Variants in NAV2 observed in about 807,000 individuals in gnomAD.
NAV2 encodes helicase, APC down-regulated 1.
NAV2 carries 54 observed loss-of-function variants against 223.2 expected under a neutral mutation model. The ratio of observed to expected loss-of-function variants is 0.24; its 90% CI spans 0.19 to 0.30. The LOEUF (loss-of-function observed/expected upper bound fraction) is 0.30, where lower values mean the gene tolerates loss of function less well. NAV2 is among the 10% of genes least tolerant of loss of function. The pLI is 1.00. For missense variants in NAV2, 2,806 were observed against 3,147.5 expected (o/e 0.89, Z 2.60); for synonymous variants, 1,279 against 1,239.3 (o/e 1.03, Z -0.67).
chr11:19,793,206 CAAAAAAAAAA>C (rs557365857), intron 1 of NAV2, among the ~76,000 whole-genome samples: 1 of 58,282 alleles, frequency 1.7e-5, no homozygotes, highest in Non-Finnish European at 3.5e-5. Context: ...CACTCTGTCT[CAAAAAAAAAA>C]AAAAAAAAAA....
At chr11:19,348,078 C>T (rs981146481), upstream of NAV2, among the ~76,000 whole-genome samples, 2 of 152,190 alleles carry the variant, frequency 1.3e-5, no homozygotes, top group Non-Finnish European at 2.9e-5. Context: ...TGTTGAACAT[C>T]CTCCCACTTC....
chr11:19,376,497 C>T (rs1424968588), intron 1 of NAV2, among the ~76,000 whole-genome samples: 1 of 152,190 alleles, frequency 6.6e-6, no homozygotes, highest in Non-Finnish European at 1.5e-5. Context: ...TGCTAGTGAG[C>T]AGCAGAGCCT....
chr11:20,109,027 G>C (rs947551058), intron 36 of NAV2, among the ~76,000 whole-genome samples: 1 of 152,204 alleles, frequency 6.6e-6, no homozygotes, highest in African/African-American at 2.4e-5. Context: ...GGAGGGTGCA[G>C]GGACTGGTGT....
At chr11:19,365,352 T>C (rs973270940) in intron 1 of NAV2, among the ~76,000 whole-genome samples, 7 of 152,230 alleles carry the variant, frequency 4.6e-5, no homozygotes, top group Admixed American at 2.0e-4. Context: ...TCCTACCCGA[T>C]ACATCATTTC....
At chr11:19,620,575 G>T (rs2046960629) in intron 1 of NAV2, among the ~76,000 whole-genome samples, 1 of 152,100 alleles carries the variant, frequency 6.6e-6, no homozygotes, top group Non-Finnish European at 1.5e-5. Flanking sequence ...TGTTGTTGGT[G>T]TATAGGAATG....
chr11:19,438,255 A>G (rs774219783), intron 1 of NAV2, among the ~76,000 whole-genome samples: 10 of 152,176 alleles, frequency 6.6e-5, no homozygotes, highest in African/African-American at 9.6e-5. Context: ...CCTCATGGGT[A>G]CTATTGTTAT....
At chr11:19,528,066 G>A (rs935444723) in intron 1 of NAV2, among the ~76,000 whole-genome samples, 1 of 152,072 alleles carries the variant, frequency 6.6e-6, no homozygotes, top group African/African-American at 2.4e-5. Flanking sequence ...ATCAAGCCAC[G>A]TTCCCTGCTG....
chr11:19,508,739 A>G (rs1476773875), intron 1 of NAV2, among the ~76,000 whole-genome samples: 1 of 152,210 alleles, frequency 6.6e-6, no homozygotes, highest in Non-Finnish European at 1.5e-5. Context: ...TATCTCTCTC[A>G]ATAAATGTTT....
chr11:19,835,408 A>G (rs1330101501), intron 2 of NAV2, among the ~76,000 whole-genome samples: 1 of 152,208 alleles, frequency 6.6e-6, no homozygotes, highest in African/African-American at 2.4e-5. Context: ...TGTAGAGAAC[A>G]GGCTAAAAGG....
rs201685015 is a variant in NAV2 at position 20,055,838 on chromosome 11, A to T, written c.4712A>T (p.Asn1571Ile). ...ATGCTGAGGACTCACAGCCTCTCCA[A>T]TGCTGATGGGCAGTATGATCCATAC... The part of the protein sequence containing the change: ...PTMLRTHSLS[N>I]ADGQYDPYTD... The change falls in exon 19 of 38, where the codon AAT (asparagine) becomes ATT (isoleucine). Residue 1571 changes from asparagine (N) to isoleucine (I), a missense_variant. Coordinates refer to ENST00000349880, the MANE Select transcript of NAV2 (RefSeq NM_145117.5). The T allele has an allele frequency of 1.4e-4, 229 of 1,614,036 alleles. 1 individual carries two copies. The highest frequency in any genetic ancestry group is 1.0e-4 in the Admixed American group (6 of 60,010).
chr11:19,385,753 C>CTTTTTTTTTTTTT lies in NAV2; in HGVS notation c.75+34740_75+34752dup, dbSNP rs201669772. ...CTCAACTGCTTTTTCAATATAGCTC[C>CTTTTTTTTTTTTT]TTTTTTTTTTTTTTTTTTTTTTTTT... On this transcript the variant is annotated intron_variant, in intron 1 of 37. Transcript: ENST00000360655. 4.1e-3 allele frequency among the ~76,000 whole-genome samples: 465 copies of CTTTTTTTTTTTTT among 112,594 alleles called. 54 individuals carry two copies. Among genetic ancestry groups the CTTTTTTTTTTTTT allele is most frequent in the African/African-American group, 6.8e-3 (180 of 26,414 alleles). The allele number at this position is 112,594 out of a possible 152,430, so 73.9% of individuals were successfully genotyped here. A position where few individuals can be genotyped will look rare whatever the true frequency, so the allele number is the denominator to read the frequency against.
chr11:19,549,796 G>A (rs542169201), intron 1 of NAV2, among the ~76,000 whole-genome samples: 1 of 152,348 alleles, frequency 6.6e-6, no homozygotes, highest in African/African-American at 2.4e-5. Flanking sequence ...TGCACCATGA[G>A]CATTAGGTCA....
In NAV2 at chr11:19,423,749, A is replaced by C. The variant is rs188149068; in HGVS notation, c.75+72722A>C. ...CAGGGAGCAGAGAGGTAGAAATCAGATTGATCTGACTGTCAGGAGTTTCTT... is the reference window on the plus strand; with the variant it reads ...CAGGGAGCAGAGAGGTAGAAATCAGCTTGATCTGACTGTCAGGAGTTTCTT... On this transcript the variant is annotated intron_variant, in intron 1 of 37. Coordinates refer to the NAV2 transcript ENST00000360655. Among the ~76,000 whole-genome samples the C allele has an allele frequency of 1.3e-3, 199 of 152,292 alleles. 1 individual carries two copies. The highest frequency in any genetic ancestry group is 4.5e-3 in the African/African-American group (185 of 41,562).
chr11:20,006,134 G>C (rs78249104), intron 11 of NAV2, among the ~76,000 whole-genome samples: 1 of 152,110 alleles, frequency 6.6e-6, no homozygotes, highest in Non-Finnish European at 1.5e-5. Flanking sequence ...GGGTTCCTGC[G>C]TGAGGTGAGA....
intron 1 of NAV2, among the ~76,000 whole-genome samples, chr11:19,363,705 C>A (rs1169967767): frequency 6.6e-6 from 1 of 152,190 alleles, no homozygotes; most frequent in Non-Finnish European, 1.5e-5. Flanking sequence ...CACAAGACCG[C>A]CCCAATTTCA....
At chr11:19,472,594 T>C (rs1202343248) in intron 1 of NAV2, among the ~76,000 whole-genome samples, 1 of 152,116 alleles carries the variant, frequency 6.6e-6, no homozygotes, top group African/African-American at 2.4e-5. Flanking sequence ...TCATTTCCTC[T>C]TGTGTAGTCA....
At chr11:19,371,465 T>C (rs1185139607) in intron 1 of NAV2, among the ~76,000 whole-genome samples, 1 of 152,170 alleles carries the variant, frequency 6.6e-6, no homozygotes, top group Non-Finnish European at 1.5e-5. Flanking sequence ...TGGAAAATAT[T>C]GTTATGGTGA....
chr11:19,832,626 G>T (rs370144719), intron 2 of NAV2, 25 bp downstream of exon 2: 4 of 1,591,980 alleles, frequency 2.5e-6, no homozygotes, highest in Non-Finnish European at 3.4e-6. Flanking sequence ...TACCTTGGGG[G>T]TAATGAGTTA....
At chr11:19,920,050 G>T (rs2044148454) in intron 6 of NAV2, among the ~76,000 whole-genome samples, 2 of 152,084 alleles carry the variant, frequency 1.3e-5, no homozygotes, top group African/African-American at 4.8e-5. Context: ...CAAGAGGATT[G>T]CTTGAGCCCT....
Sources: allele counts gnomAD v4.1 joint callset (sites outside exome capture counted in the v4.1 genomes callset), GRCh38; gene constraint gnomAD v4.1.1; transcripts MANE v1.5; gene names NCBI Gene and HGNC (gene_info 2026-07-23, HGNC 2026-07-21).